Variants in ADCY8 observed in about 807,000 individuals in gnomAD.
The protein encoded by ADCY8 is adenylate cyclase 8, also known as adenylate cyclase type 8.
A neutral mutation model predicts 119.7 loss-of-function variants in ADCY8; 51 were observed. That is an observed-to-expected ratio of 0.43 (90% CI 0.34 to 0.54). ADCY8 has a LOEUF of 0.54. ADCY8 is among the 20% of genes least tolerant of loss of function. The pLI is 0.03. For missense variants in ADCY8, 1,383 were observed against 1,598.8 expected, an observed-to-expected ratio of 0.87 and a Z score of 2.30; for synonymous variants, 665 against 651.0, an observed-to-expected ratio of 1.02 and a Z score of -0.33.
At chr8:130,884,029 A>G (rs1818881346) in intron 8 of ADCY8, among the ~76,000 whole-genome samples, 1 of 131,068 alleles carries the variant, frequency 7.6e-6, no homozygotes. Flanking sequence ...GTGGAATTCA[A>G]ATTTGACTCT....
intron 2 of ADCY8, among the ~76,000 whole-genome samples, chr8:130,954,789 C>T (rs971724772): frequency 6.6e-6 from 1 of 152,190 alleles, no homozygotes; most frequent in African/African-American, 2.4e-5. Flanking sequence ...CTAACAACTG[C>T]ACTTCCTACA....
intron 6 of ADCY8, among the ~76,000 whole-genome samples, chr8:130,908,450 A>G (rs976432129): frequency 6.6e-6 from 1 of 152,168 alleles, no homozygotes; most frequent in Non-Finnish European, 1.5e-5. Context: ...ATGACACACC[A>G]CATAGAGTGA....
intron 9 of ADCY8, among the ~76,000 whole-genome samples, chr8:130,866,784 C>T (rs1412611714): frequency 6.6e-6 from 1 of 152,156 alleles, no homozygotes; most frequent in Non-Finnish European, 1.5e-5. Context: ...GATAAATCCT[C>T]ATCTACGAAT....
chr8:130,913,560 C>A lies in ADCY8; in HGVS notation c.1482-3694G>T, dbSNP rs142947609. Among the ~76,000 whole-genome samples the A allele has an allele frequency of 2.1e-3, 317 of 152,244 alleles. 1 individual carries two copies. The highest frequency in any genetic ancestry group is 7.1e-3 in the African/African-American group (296 of 41,558). On this transcript the variant is annotated intron_variant, in intron 5 of 17. Coordinates refer to ENST00000286355, the MANE Select transcript of ADCY8 (RefSeq NM_001115.3). ...AACCACAGTCTTTAAAATTTTTTCT[C>A]TCCTGTGTCACCATCATGAGTCAAG...
intron 5 of ADCY8, among the ~76,000 whole-genome samples, chr8:130,928,925 T>C (rs1021017441): frequency 1.3e-5 from 2 of 152,186 alleles, no homozygotes; most frequent in Non-Finnish European, 1.5e-5. Context: ...CTGGGCCTTT[T>C]TTTAGATGAG....
intron 1 of ADCY8, among the ~76,000 whole-genome samples, chr8:131,037,630 T>C (rs1824201735): frequency 6.7e-6 from 1 of 150,278 alleles, no homozygotes; most frequent in South Asian, 2.1e-4. Context: ...GTGAGTTAGA[T>C]GAAAAAAAGA....
intron 5 of ADCY8, among the ~76,000 whole-genome samples, 191 bp from the exon 6 acceptor site, chr8:130,910,057 G>A (rs936481336): frequency 2.0e-5 from 3 of 150,796 alleles, no homozygotes; most frequent in Non-Finnish European, 4.4e-5. Flanking sequence ...TGATGGTCTC[G>A]ATCTCCTGAC....
At chr8:130,878,889 T>C (rs1818662030) in intron 8 of ADCY8, among the ~76,000 whole-genome samples, 1 of 152,162 alleles carries the variant, frequency 6.6e-6, no homozygotes. Flanking sequence ...AAAATGCCCA[T>C]ATCCAAAGCA....
chr8:130,998,387 G>T (rs1188453546), intron 1 of ADCY8, among the ~76,000 whole-genome samples: 1 of 152,148 alleles, frequency 6.6e-6, no homozygotes, highest in East Asian at 1.9e-4. Context: ...CCAAGGTTCT[G>T]AGGCAGGAGA....
At chr8:130,784,662 G>A (rs1367653240) in intron 16 of ADCY8, among the ~76,000 whole-genome samples, 1 of 152,196 alleles carries the variant, frequency 6.6e-6, no homozygotes, top group Non-Finnish European at 1.5e-5. Flanking sequence ...AAAAACAGAT[G>A]GTGGGCCAGA....
chr8:130,884,463 C>G, intron 8 of ADCY8, 101 bp downstream of exon 8: 2 of 1,298,388 alleles, frequency 1.5e-6, no homozygotes, highest in Non-Finnish European at 2.2e-6. Flanking sequence ...AGCAAACAAA[C>G]AAAGAAACCA....
At chr8:130,819,866 A>C (rs576154506) in intron 13 of ADCY8, among the ~76,000 whole-genome samples, 1 of 152,362 alleles carries the variant, frequency 6.6e-6, no homozygotes, top group South Asian at 2.1e-4. Flanking sequence ...AAACAAGTCA[A>C]AGCATATTGC....
In ADCY8 at chr8:131,027,832, G is replaced by A. The variant is rs1283856341; in HGVS notation, c.960+11542C>T. ...GAGATAATGTGAAGTCATATAGGAC[G>A]GAAACTTCAGGAGCCCCAACATTGA... is the stretch of plus-strand genomic sequence containing the variant. On this transcript the variant is annotated intron_variant, in intron 1 of 17. Coordinates refer to ENST00000286355, the MANE Select transcript of ADCY8 (RefSeq NM_001115.3). 3.3e-5 allele frequency among the ~76,000 whole-genome samples: 5 copies of A among 152,128 alleles called. No individual in the cohort carries two copies. The East Asian group carries it at 7.7e-4, about 23-fold the overall frequency.
chr8:130,796,187 G>A (rs1815573381), intron 15 of ADCY8, among the ~76,000 whole-genome samples: 1 of 152,206 alleles, frequency 6.6e-6, no homozygotes, highest in Non-Finnish European at 1.5e-5. Flanking sequence ...GCCAGCTTCA[G>A]GCTCTGGTAA....
intron 1 of ADCY8, among the ~76,000 whole-genome samples, chr8:131,028,693 T>C (rs1823899153): frequency 6.6e-6 from 1 of 152,162 alleles, no homozygotes; most frequent in Admixed American, 6.5e-5. Flanking sequence ...CCAGTTAGGG[T>C]ACAATATGGT....
chr8:130,880,436 T>A (rs1366468092), intron 8 of ADCY8, among the ~76,000 whole-genome samples: 1 of 152,204 alleles, frequency 6.6e-6, no homozygotes, highest in Admixed American at 6.6e-5. Flanking sequence ...AATACCAATG[T>A]GATTGGTAGC....
At chr8:130,882,344 G>T (rs1311891257) in intron 8 of ADCY8, among the ~76,000 whole-genome samples, 1 of 152,036 alleles carries the variant, frequency 6.6e-6, no homozygotes, top group Admixed American at 6.6e-5. Flanking sequence ...TCTGATTCTG[G>T]AATCCTATGT....
At chr8:131,028,206 G>A (rs1823880168) in intron 1 of ADCY8, among the ~76,000 whole-genome samples, 1 of 152,232 alleles carries the variant, frequency 6.6e-6, no homozygotes, top group Non-Finnish European at 1.5e-5. Flanking sequence ...TGTTTTCTAT[G>A]TTTTTAAGGA....
intron 15 of ADCY8, among the ~76,000 whole-genome samples, chr8:130,796,702 T>C (rs778200714): frequency 6.6e-6 from 1 of 152,066 alleles, no homozygotes; most frequent in East Asian, 1.9e-4. Context: ...GCCGCTTTTT[T>C]ATTTTTCCTG....
Sources: gnomAD v4.1 joint callset for allele counts (sites outside exome capture counted in the v4.1 genomes callset) on GRCh38, gnomAD v4.1.1 for gene constraint, MANE v1.5 for transcripts, NCBI Gene and HGNC (gene_info 2026-07-23, HGNC 2026-07-21) for gene names.